The following WDPCP variants were observed in gnomAD, a reference collection of about 807,000 sequenced individuals.
WDPCP encodes the protein WD repeat-containing and planar cell polarity effector protein fritz homolog.
A neutral mutation model predicts 93.1 loss-of-function variants in WDPCP; 71 were observed. The observed-to-expected ratio is 0.76, with a 90% CI of 0.63 to 0.93. The LOEUF (loss-of-function observed/expected upper bound fraction) is 0.93, where lower values mean the gene tolerates loss of function less well. Among genes scored for constraint, WDPCP ranks in the 40% least tolerant of loss-of-function variants. WDPCP has a pLI of 0.00. For missense variants in WDPCP, 844 were observed against 887.4 expected (o/e 0.95, Z 0.62); for synonymous variants, 315 against 315.0 (o/e 1.00, Z 0.00).
intron 13 of WDPCP, among the ~76,000 whole-genome samples, chr2:63,287,484 T>C (rs894612671): frequency 1.3e-5 from 2 of 152,208 alleles, no homozygotes; most frequent in African/African-American, 4.8e-5. Flanking sequence ...CCATTCCTAG[T>C]ATTCCTTTCC....
chr2:63,764,361 A>C (rs1417913875), intron 2 of WDPCP, among the ~76,000 whole-genome samples: 1 of 152,188 alleles, frequency 6.6e-6, no homozygotes. Context: ...CCTTTGAGTG[A>C]TGCCGTGGTG....
chr2:63,121,731 C>A lies in WDPCP; in HGVS notation c.*275G>T. On this transcript the variant is annotated 3_prime_UTR_variant, in exon 18 of 18. Coordinates refer to ENST00000272321, the MANE Select transcript of WDPCP (RefSeq NM_015910.7). ...GTTTAAATATTCTATTTTTGTAGCA[C>A]CTAATTAACATACAATTTAAGACAC... 4 of 687,562 alleles carry A rather than the reference C, an allele frequency of 5.8e-6. No individual in the cohort carries two copies. The South Asian group carries it at 1.3e-4, about 22-fold the overall frequency. 42.6% of individuals were successfully genotyped at this position (687,562 alleles called of 1,614,324 possible). A position where few individuals can be genotyped will look rare whatever the true frequency, so the allele number is the denominator to read the frequency against.
At chr2:63,354,847 T>G (rs1318025632) in intron 12 of WDPCP, among the ~76,000 whole-genome samples, 1 of 151,818 alleles carries the variant, frequency 6.6e-6, no homozygotes, top group Non-Finnish European at 1.5e-5. Flanking sequence ...TAGGAAAGAA[T>G]CTCAGAACTT....
At chr2:63,371,003 C>T (rs1440575849) in intron 12 of WDPCP, among the ~76,000 whole-genome samples, 1 of 151,586 alleles carries the variant, frequency 6.6e-6, no homozygotes, top group African/African-American at 2.4e-5. Context: ...TCTTCTTTTC[C>T]AAGAAAAACA....
chr2:63,238,310 T>C (rs1303361203), intron 14 of WDPCP, among the ~76,000 whole-genome samples: 3 of 152,174 alleles, frequency 2.0e-5, no homozygotes, highest in Admixed American at 6.6e-5. Context: ...AGCTGCAGTT[T>C]CCAATATGGT....
chr2:63,254,336 C>T (rs1680967537), intron 14 of WDPCP, among the ~76,000 whole-genome samples: 1 of 151,904 alleles, frequency 6.6e-6, no homozygotes, highest in African/African-American at 2.4e-5. Flanking sequence ...TGCAATATAC[C>T]CATGTAACAA....
chr2:63,794,412 G>A (rs1670587138), intron 2 of WDPCP, among the ~76,000 whole-genome samples: 1 of 152,146 alleles, frequency 6.6e-6, no homozygotes, highest in Non-Finnish European at 1.5e-5. Flanking sequence ...GAAAAAGGCT[G>A]ACTGACTTAG....
intron 12 of WDPCP, among the ~76,000 whole-genome samples, chr2:63,342,409 C>A (rs1169230900): frequency 6.6e-6 from 1 of 152,186 alleles, no homozygotes; most frequent in African/African-American, 2.4e-5. Context: ...ATCTACCATT[C>A]GCTATGTCTT....
intron 15 of WDPCP, among the ~76,000 whole-genome samples, chr2:63,163,605 C>CA (rs1672776826): frequency 6.6e-6 from 1 of 152,096 alleles, no homozygotes; most frequent in Non-Finnish European, 1.5e-5. Context: ...GCCAAGTTAA[C>CA]AAGAATTAAA....
chr2:63,644,192 C>T (rs1249729010), intron 3 of WDPCP, among the ~76,000 whole-genome samples: 3 of 150,726 alleles, frequency 2.0e-5, no homozygotes, highest in Non-Finnish European at 2.9e-5. Flanking sequence ...TTTGGTATCA[C>T]GGTAATACTG....
intron 2 of WDPCP, 68 bp downstream of exon 2, chr2:63,492,788 T>C (rs1357139388): frequency 3.5e-6 from 5 of 1,422,360 alleles, no homozygotes; most frequent in African/African-American, 1.4e-5. Context: ...CTCTAACCTT[T>C]GCTAGTACTT....
chr2:63,759,025 C>T lies in WDPCP; in HGVS notation n.308+54597G>A, dbSNP rs1670014476. On this transcript the variant is annotated intron_variant and non_coding_transcript_variant, in intron 2 of 4. Transcript: ENST00000467687. ...CAAACTCCTGACCTCAGGTGATCCA[C>T]CCGCTTTGGCCTCCCAAAGTGCTGG... 2.6e-5 allele frequency among the ~76,000 whole-genome samples: 4 copies of T among 152,136 alleles called. No homozygotes were observed. In the South Asian group the frequency reaches 8.3e-4, roughly 32 times the overall value.
chr2:63,234,463 T>C (rs1257697503), intron 14 of WDPCP, among the ~76,000 whole-genome samples: 2 of 152,044 alleles, frequency 1.3e-5, no homozygotes, highest in African/African-American at 4.8e-5. Context: ...CTTAAAAAAA[T>C]GATGCAAGTA....
intron 14 of WDPCP, among the ~76,000 whole-genome samples, chr2:63,190,599 A>G (rs1674971795): frequency 6.6e-6 from 1 of 152,184 alleles, no homozygotes; most frequent in Non-Finnish European, 1.5e-5. Context: ...ACTTTTAGAA[A>G]GGACACCAAG....
intron 1 of WDPCP, among the ~76,000 whole-genome samples, chr2:63,573,163 A>G (rs1707657787): frequency 6.6e-6 from 1 of 151,822 alleles, no homozygotes; most frequent in Non-Finnish European, 1.5e-5. Flanking sequence ...GGATCACTTG[A>G]GCCCAGGAAG....
At chr2:63,187,095 C>A (rs536491300) in intron 14 of WDPCP, among the ~76,000 whole-genome samples, 1 of 151,834 alleles carries the variant, frequency 6.6e-6, no homozygotes, top group African/African-American at 2.4e-5. Flanking sequence ...GTGAATTGAC[C>A]CTTTAATCAT....
intron 12 of WDPCP, among the ~76,000 whole-genome samples, chr2:63,330,441 T>C (rs1415768528): frequency 6.6e-6 from 1 of 152,216 alleles, no homozygotes; most frequent in Non-Finnish European, 1.5e-5. Flanking sequence ...TTATTTGCTA[T>C]GGAGTTGTAT....
At chr2:63,583,215 A>T (rs1223992335) in intron 1 of WDPCP, among the ~76,000 whole-genome samples, 1 of 152,216 alleles carries the variant, frequency 6.6e-6, no homozygotes, top group Non-Finnish European at 1.5e-5. Flanking sequence ...GTATGCTATA[A>T]ACCCTACAAC....
intron 2 of WDPCP, among the ~76,000 whole-genome samples, chr2:63,749,327 T>C (rs1333644859): frequency 2.0e-5 from 3 of 152,096 alleles, no homozygotes; most frequent in Non-Finnish European, 4.4e-5. Context: ...AATACTACAC[T>C]TCTCCAAGAT....
Sources: allele counts gnomAD v4.1 joint callset (sites outside exome capture counted in the v4.1 genomes callset), GRCh38; gene constraint gnomAD v4.1.1; transcripts MANE v1.5; gene names NCBI Gene and HGNC (gene_info 2026-07-23, HGNC 2026-07-21).